The following FANK1 variants were observed in gnomAD, a reference collection of about 807,000 sequenced individuals.
FANK1 encodes the protein fibronectin type III and ankyrin repeat domains 1, also known as fibronectin type 3 and ankyrin repeat domains protein 1.
FANK1 carries 44 observed loss-of-function variants against 45.3 expected under a neutral mutation model. That is an observed-to-expected ratio of 0.97 (90% confidence interval 0.76 to 1.25). The LOEUF (loss-of-function observed/expected upper bound fraction) is 1.25. FANK1 is among the 50% of genes most tolerant of loss of function. The pLI is 0.00. For synonymous variants in FANK1, 149 were observed against 152.5 expected, an observed-to-expected ratio of 0.98 and a Z score of 0.17; for missense variants, 391 against 424.4, an observed-to-expected ratio of 0.92 and a Z score of 0.69.
intron 6 of FANK1, among the ~76,000 whole-genome samples, chr10:126,001,149 T>TTAAA (rs759141112): frequency 3.3e-5 from 5 of 152,178 alleles, no homozygotes; most frequent in Non-Finnish European, 7.3e-5. Context: ...GCAAATACGA[T>TTAAA]TAGTAAGGGT....
At chr10:125,973,526 C>T (rs1950648999) in intron 1 of FANK1, 1 of 897,518 alleles carries the variant, frequency 1.1e-6, no homozygotes, top group Non-Finnish European at 1.3e-6. Flanking sequence ...TTCCTTCTTC[C>T]ACATGTATCC....
chr10:125,916,969 G>A (rs1946495374), intron 1 of FANK1, among the ~76,000 whole-genome samples: 1 of 152,182 alleles, frequency 6.6e-6, no homozygotes, highest in East Asian at 1.9e-4. Flanking sequence ...ACGTCCTGCT[G>A]TTCCTCCCAG....
chr10:125,979,748 G>A (rs11244744), intron 1 of FANK1: 177,352 of 447,364 alleles, frequency 0.4, 36,238 homozygotes, highest in South Asian at 0.45. Context: ...TACAGCATAG[G>A]TGTCAACCCT....
intron 1 of FANK1, among the ~76,000 whole-genome samples, chr10:125,918,556 CAAAAAAAAAAAAA>C (rs1156446362): frequency 4.2e-4 from 3 of 7,102 alleles, no homozygotes; most frequent in Admixed American, 3.7e-3. Flanking sequence ...GCCTCTGTCT[CAAAAAAAAAAAAA>C]AAAAAAAAAA....
At chr10:125,925,690 C>T (rs1489379252) in intron 1 of FANK1, among the ~76,000 whole-genome samples, 1 of 152,132 alleles carries the variant, frequency 6.6e-6, no homozygotes, top group African/African-American at 2.4e-5. Flanking sequence ...TGCCGCCAAG[C>T]CTGGCTCCTC....
rs927242247 is a variant in FANK1 at position 125,929,811 on chromosome 10, G to A, written c.13+33156G>A. Among the ~76,000 whole-genome samples the A allele has an allele frequency of 2.0e-5, 3 of 152,146 alleles. No homozygotes were observed. In the South Asian group the frequency reaches 6.2e-4, roughly 32 times the overall value. ...CTGAGCATAGGGGCTCAAAGTTCCTGTTACAGAGTTTTTATGAGTTTACCC... is the reference window on the plus strand; with the variant it reads ...CTGAGCATAGGGGCTCAAAGTTCCTATTACAGAGTTTTTATGAGTTTACCC... On this transcript the variant is annotated intron_variant, in intron 1 of 10. Coordinates refer to ENST00000368693, the MANE Select transcript of FANK1 (RefSeq NM_145235.5).
At chr10:125,960,202 G>A in intron 1 of FANK1, 1 of 255,534 alleles carries the variant, frequency 3.9e-6, no homozygotes. Flanking sequence ...AGAGTCTTCA[G>A]GGTAAAGCAC....
intron 3 of FANK1, chr10:125,989,324 A>G (rs1465357176): frequency 5.2e-6 from 8 of 1,551,128 alleles, no homozygotes; most frequent in East Asian, 2.4e-5. Context: ...GATGGTCACA[A>G]GTGTTCTCCA....
chr10:125,929,188 T>A (rs973961450), intron 1 of FANK1, among the ~76,000 whole-genome samples: 8 of 152,134 alleles, frequency 5.3e-5, no homozygotes, highest in African/African-American at 1.9e-4. Flanking sequence ...AAACAGGAGC[T>A]TAAAGGCCCC....
intron 2 of FANK1, among the ~76,000 whole-genome samples, chr10:125,988,296 A>G (rs926339685): frequency 6.6e-6 from 1 of 152,212 alleles, no homozygotes; most frequent in Non-Finnish European, 1.5e-5. Context: ...TTATTTCTCC[A>G]AAGTACAAAA....
At chr10:125,969,771 T>C (rs1453977050) in intron 1 of FANK1, among the ~76,000 whole-genome samples, 2 of 152,132 alleles carry the variant, frequency 1.3e-5, no homozygotes, top group South Asian at 2.1e-4. Flanking sequence ...GAGGACCCTG[T>C]GGCCTTCCCC....
rs141732155 is a variant in FANK1, at chr10:125,980,303, A to C, written c.156A>C (p.Glu52Asp). 2.4e-5 allele frequency: 38 copies of C among 1,611,700 alleles called. No individual in the cohort carries two copies. The highest frequency in any genetic ancestry group is 8.9e-5 in the East Asian group (4 of 44,872). ...GGTTCAGGTTCTCGATTGAAGAAGAAGACCCCAAAATGCACACTTATGGTA... is the reference window on the plus strand; with the variant it reads ...GGTTCAGGTTCTCGATTGAAGAAGACGACCCCAAAATGCACACTTATGGTA... ...EQWFRFSIEE[E>D]DPKMHTYGII... The change falls in exon 2 of 11, where the codon GAA (glutamate) becomes GAC (aspartate). Residue 52 changes from glutamate (E) to aspartate (D), a missense_variant. By Grantham distance (45) the Glu-to-Asp change is conservative. Coordinates refer to ENST00000368693, the MANE Select transcript of FANK1 (RefSeq NM_145235.5).
intron 1 of FANK1, among the ~76,000 whole-genome samples, chr10:125,921,161 T>G (rs1399274711): frequency 6.6e-6 from 1 of 152,256 alleles, no homozygotes; most frequent in Non-Finnish European, 1.5e-5. Context: ...TTATGTTTGT[T>G]TTTGGTAGAT....
In FANK1 at chr10:125,928,261, C is replaced by CTTTTTTTTTTTTTTTTT. The variant is rs34889746; in HGVS notation, c.13+31608_13+31624dup. ...TAAACAAGGGGTGGATTATTCGTGC[C>CTTTTTTTTTTTTTTTTT]TTTTTTTTTTTTTTTTTTAAAGACC... On this transcript the variant is annotated intron_variant, in intron 1 of 10. Transcript: ENST00000368693. Among the ~76,000 whole-genome samples, 2 of 137,720 alleles carry CTTTTTTTTTTTTTTTTT rather than the reference C, an allele frequency of 1.5e-5. 1 individual carries two copies. 90.3% of individuals were successfully genotyped at this position (137,720 alleles called of 152,430 possible).
chr10:126,000,306 A>C (rs1450000250), intron 6 of FANK1, among the ~76,000 whole-genome samples: 1 of 152,218 alleles, frequency 6.6e-6, no homozygotes, highest in Non-Finnish European at 1.5e-5. Flanking sequence ...AAACTTTGTC[A>C]AGGAAGAATG....
intron 1 of FANK1, among the ~76,000 whole-genome samples, chr10:125,936,696 G>C (rs74648392): frequency 0.014 from 2,150 of 152,246 alleles, 67 homozygotes; most frequent in African/African-American, 0.05. Flanking sequence ...TCTCATTGCT[G>C]TTCCATTAAT....
chr10:126,005,016 T>C lies in FANK1; in HGVS notation c.672T>C (p.Ser224=), dbSNP rs1953076358. The change falls in exon 7 of 11, where the codon AGT becomes AGC. Residue 224 remains serine, a synonymous_variant. Coordinates refer to ENST00000368693, the MANE Select transcript of FANK1 (RefSeq NM_145235.5). ...LHWAADGGHC[S]VIEWMIKDGC... is the part of the protein sequence containing the mutation. ...GGGCTGCAGATGGAGGCCACTGCAG[T>C]GTGATTGAGTGGATGATAAAGGATG... is the stretch of plus-strand genomic sequence containing the variant. 6.2e-7 allele frequency: 1 copy of C among 1,613,846 alleles called. No individual in the cohort carries two copies. The highest frequency in any genetic ancestry group is 1.3e-5 in the African/African-American group (1 of 74,884).
intron 1 of FANK1, among the ~76,000 whole-genome samples, chr10:125,901,505 C>G (rs1464234947): frequency 6.6e-6 from 1 of 152,146 alleles, no homozygotes; most frequent in African/African-American, 2.4e-5. Context: ...AAAGTCCTTA[C>G]GTTGATCTAG....
chr10:125,941,284 C>A (rs552388990), intron 1 of FANK1, among the ~76,000 whole-genome samples: 3 of 152,236 alleles, frequency 2.0e-5, no homozygotes, highest in Non-Finnish European at 4.4e-5. Context: ...GGACAATAGA[C>A]ATTTTGCAGA....
Sources: gnomAD v4.1 joint callset for allele counts (sites outside exome capture counted in the v4.1 genomes callset) on GRCh38, gnomAD v4.1.1 for gene constraint, MANE v1.5 for transcripts, NCBI Gene and HGNC (gene_info 2026-07-23, HGNC 2026-07-21) for gene names.